TCF20: variants seen among roughly 807,000 people sequenced by gnomAD.
TCF20 encodes transcription factor 20, also known as SPRE-binding protein.
In TCF20, 3 loss-of-function variants were observed where a neutral mutation model predicts 148.6. The observed-to-expected ratio is 0.02, with a 90% CI of 0.01 to 0.05. The LOEUF is 0.05. TCF20 is among the 10% of genes least tolerant of loss of function. The pLI, the probability that TCF20 is intolerant of heterozygous loss-of-function variation, is 1.00. For missense variants in TCF20, 2,350 were observed against 2,429.3 expected, an observed-to-expected ratio of 0.97 and a Z score of 0.69; for synonymous variants, 1,049 against 909.5, an observed-to-expected ratio of 1.15 and a Z score of -2.76.
At chr22:42,187,506 T>C (rs2147117377) in intron 2 of TCF20, among the ~76,000 whole-genome samples, 1 of 152,254 alleles carries the variant, frequency 6.6e-6, no homozygotes, top group South Asian at 2.1e-4. Context: ...GCCCCAGAAG[T>C]GGTACAAAAC....
At position 42,292,337 on chromosome 22, in the gene TCF20, C is replaced by T. The variant is rs986867414; in HGVS notation, c.-37+51142G>A. 3.9e-5 allele frequency among the ~76,000 whole-genome samples: 6 copies of T among 152,162 alleles called. No homozygotes were observed. Among genetic ancestry groups the T allele is most frequent in the East Asian group, 3.9e-4 (2 of 5,192 alleles). ...AGGCCCCAGTGCTAAAATCAGGCCA[C>T]GTGCACTAGGTCAAGGATGCCACAG... On this transcript the variant is annotated intron_variant, in intron 1 of 1. Coordinates refer to the TCF20 transcript ENST00000515426. This position sits in a 1 kb window ranked among gnomAD's most constrained non-coding sequence, Gnocchi z 4.9.
intron 2 of TCF20, among the ~76,000 whole-genome samples, chr22:42,192,588 CT>C (rs1937390156): frequency 6.6e-6 from 1 of 152,152 alleles, no homozygotes. Context: ...CAGAAAGGAA[CT>C]TTCAAAAACG....
At chr22:42,316,307 G>A (rs2147045978) in intron 1 of TCF20, among the ~76,000 whole-genome samples, 1 of 152,148 alleles carries the variant, frequency 6.6e-6, no homozygotes, top group Middle Eastern at 3.4e-3. Flanking sequence ...CCAGAGTGGT[G>A]ATGAGAAGAT....
intron 3 of TCF20, among the ~76,000 whole-genome samples, chr22:42,174,355 C>A (rs1186751264): frequency 2.6e-5 from 4 of 152,196 alleles, no homozygotes; most frequent in Non-Finnish European, 2.9e-5. Context: ...TGCTGCTTGA[C>A]ATCTTAGAAG....
chr22:42,239,011 G>A (rs1437683796), intron 1 of TCF20, among the ~76,000 whole-genome samples: 4 of 152,042 alleles, frequency 2.6e-5, no homozygotes, highest in Non-Finnish European at 4.4e-5. Context: ...CCAGCTACTC[G>A]GGAGGCTGAC....
intron 3 of TCF20, among the ~76,000 whole-genome samples, chr22:42,178,201 G>A (rs1343138808): frequency 6.6e-6 from 1 of 152,116 alleles, no homozygotes; most frequent in Non-Finnish European, 1.5e-5. Flanking sequence ...TCTTTCATGT[G>A]GCTGTTCATC....
At chr22:42,228,950 T>G (rs1923150619) in intron 1 of TCF20, among the ~76,000 whole-genome samples, 1 of 152,184 alleles carries the variant, frequency 6.6e-6, no homozygotes, top group African/African-American at 2.4e-5. Flanking sequence ...AACTTTTGTT[T>G]CTGTTGTGTC....
At chr22:42,207,517 TTAAAAATA>T (rs1938468412) in intron 2 of TCF20, among the ~76,000 whole-genome samples, 1 of 152,124 alleles carries the variant, frequency 6.6e-6, no homozygotes. Flanking sequence ...TCTTTCTCTC[TTAAAAATA>T]TAAATCAAGG....
At chr22:42,169,784 T>A in intron 4 of TCF20, 63 bp downstream of exon 4, 1 of 1,575,866 alleles carries the variant, frequency 6.3e-7, no homozygotes, top group Non-Finnish European at 8.7e-7. Flanking sequence ...GGTCTTCAGG[T>A]CTTTCAGGAG....
In TCF20 at chr22:42,160,650, A is replaced by C. The variant is rs144054744; in HGVS notation, c.*753T>G. 1,405 of 152,614 alleles carry C rather than the reference A, an allele frequency of 9.2e-3. 11 individuals carry two copies. Among genetic ancestry groups the C allele is most frequent in the Non-Finnish European group, 0.012 (841 of 68,022 alleles). 9.5% of individuals were successfully genotyped at this position (152,614 alleles called of 1,614,324 possible). ...CCAAAAAGAAAAAATTAAAAAAAAAAAACCATAAATAAATAGTGTTTCTGG... is the reference window on the plus strand; with the variant it reads ...CCAAAAAGAAAAAATTAAAAAAAAACAACCATAAATAAATAGTGTTTCTGG... On this transcript the variant is annotated 3_prime_UTR_variant, in exon 6 of 6. Coordinates refer to ENST00000677622, the MANE Select transcript of TCF20 (RefSeq NM_001378418.1).
chr22:42,209,342 GA>G (rs1386466000), intron 2 of TCF20, among the ~76,000 whole-genome samples: 6 of 152,214 alleles, frequency 3.9e-5, no homozygotes, highest in Non-Finnish European at 1.5e-5. Context: ...TCTGCCCCAG[GA>G]TAAGTTATGA....
At chr22:42,235,141 CA>C (rs34834610) in intron 1 of TCF20, among the ~76,000 whole-genome samples, 323 of 109,216 alleles carry the variant, frequency 3.0e-3, no homozygotes, top group African/African-American at 6.7e-3. Context: ...GACTCTGTCT[CA>C]AAAAAAAAAA....
At chr22:42,207,471 T>G (rs1335348932) in intron 2 of TCF20, among the ~76,000 whole-genome samples, 2 of 152,128 alleles carry the variant, frequency 1.3e-5, no homozygotes, top group Admixed American at 6.5e-5. Context: ...TGGCCCATAC[T>G]GTAACAGAGA....
chr22:42,262,408 C>A (rs960599265), intron 1 of TCF20, among the ~76,000 whole-genome samples: 1 of 152,092 alleles, frequency 6.6e-6, no homozygotes, highest in African/African-American at 2.4e-5. Flanking sequence ...ATTTGAGAAA[C>A]CGGGTAAACG....
intron 2 of TCF20, among the ~76,000 whole-genome samples, chr22:42,184,867 A>G (rs758129159): frequency 1.3e-5 from 2 of 152,252 alleles, no homozygotes; most frequent in Non-Finnish European, 2.9e-5. Context: ...AGGTATTATT[A>G]GTTTTGGGAC....
chr22:42,246,357 G>A (rs745857793), intron 1 of TCF20, among the ~76,000 whole-genome samples: 4 of 152,086 alleles, frequency 2.6e-5, no homozygotes, highest in East Asian at 3.9e-4. Context: ...TGACCCATCC[G>A]CCTCGGCCTC....
intron 1 of TCF20, among the ~76,000 whole-genome samples, chr22:42,225,152 C>A (rs1163838867): frequency 1.3e-5 from 2 of 151,910 alleles, no homozygotes; most frequent in African/African-American, 2.4e-5. Context: ...CCTGCCACCA[C>A]GTCCGGCTAA....
chr22:42,168,597 G>GC lies in TCF20; in HGVS notation c.*44+11dup. ...CGGGCAGGATGCAGGGAGCCCGGTG[G>GC]CCCCGACTCACCTGTGCTTGCTGTC... is the stretch of plus-strand genomic sequence containing the variant. On this transcript the variant is annotated intron_variant, in intron 5 of 5. Transcript: ENST00000677622. The GC allele has an allele frequency of 2.6e-6, 4 of 1,552,250 alleles. No homozygotes were observed. In the African/African-American group the frequency reaches 4.1e-5, roughly 16 times the overall value.
intron 1 of TCF20, among the ~76,000 whole-genome samples, chr22:42,250,332 G>A (rs1925259156): frequency 1.3e-5 from 2 of 151,296 alleles, no homozygotes; most frequent in Admixed American, 1.3e-4. Context: ...TGTAATCCCA[G>A]CTACTTGGAA....
Sources: gnomAD v4.1 joint callset for allele counts (sites outside exome capture counted in the v4.1 genomes callset) on GRCh38, gnomAD v4.1.1 for gene constraint, Gnocchi (gnomAD v3.1) non-coding constraint, MANE v1.5 for transcripts, NCBI Gene and HGNC (gene_info 2026-07-23, HGNC 2026-07-21) for gene names.